ZNF83: variants seen among roughly 807,000 people sequenced by gnomAD.
ZNF83 encodes zinc finger protein 816B.
For synonymous variants in ZNF83, 209 were observed against 213.0 expected (o/e 0.98, Z 0.17); for missense variants, 552 against 629.9 (o/e 0.88, Z 1.32).
chr19:52,619,782 G>A (rs1328973549), intron 2 of ZNF83, among the ~76,000 whole-genome samples: 1 of 152,220 alleles, frequency 6.6e-6, no homozygotes, highest in East Asian at 1.9e-4. Context: ...AGCTACATGG[G>A]AGGCTGAGGC....
intron 1 of ZNF83, among the ~76,000 whole-genome samples, chr19:52,682,878 CT>C (rs1444744209): frequency 1.3e-5 from 2 of 151,134 alleles, no homozygotes; most frequent in Admixed American, 6.6e-5. Context: ...CTCTGTCTCT[CT>C]TTTTTTTTCT....
intron 2 of ZNF83, among the ~76,000 whole-genome samples, chr19:52,659,780 C>T (rs1726487849): frequency 6.6e-6 from 1 of 152,092 alleles, no homozygotes; most frequent in Non-Finnish European, 1.5e-5. Context: ...AAGTAAGAGA[C>T]CTATAACAAA....
intron 1 of ZNF83, among the ~76,000 whole-genome samples, chr19:52,662,207 A>G (rs891272231): frequency 2.0e-5 from 3 of 152,214 alleles, no homozygotes; most frequent in African/African-American, 7.2e-5. Context: ...AATGGAATTC[A>G]TTTCTCATTT....
intron 1 of ZNF83, among the ~76,000 whole-genome samples, chr19:52,685,897 CAAAAAAAAAAAAAAA>C (rs3055370): frequency 1.5e-5 from 2 of 132,442 alleles, no homozygotes; most frequent in Admixed American, 8.4e-5. Context: ...GTAACTGTCA[CAAAAAAAAAAAAAAA>C]AAAAAAAAAA....
At chr19:52,615,966 G>A (rs1427894334) in intron 2 of ZNF83, among the ~76,000 whole-genome samples, 1 of 152,178 alleles carries the variant, frequency 6.6e-6, no homozygotes, top group African/African-American at 2.4e-5. Flanking sequence ...AGCCTCCTGA[G>A]TAGCTGGGAT....
chr19:52,689,899 C>CT (rs1240378858), intron 1 of ZNF83, among the ~76,000 whole-genome samples: 3 of 152,240 alleles, frequency 2.0e-5, no homozygotes, highest in African/African-American at 7.2e-5. Context: ...GGCACCTCCC[C>CT]AACGCGGGCT....
rs554092857 is a variant in ZNF83 at position 52,668,802 on chromosome 19, C to T, written c.-282-7959G>A. ...CCAGATTGTCCCCTTTCCACGAGGGCTGTCCTCCAGTAGACCAGGTGTGGG... is the reference window on the plus strand; with the variant it reads ...CCAGATTGTCCCCTTTCCACGAGGGTTGTCCTCCAGTAGACCAGGTGTGGG... On this transcript the variant is annotated intron_variant, in intron 1 of 5. Coordinates refer to the ZNF83 transcript ENST00000594682. Among the ~76,000 whole-genome samples, 10 of 152,342 alleles carry T rather than the reference C, an allele frequency of 6.6e-5. No homozygotes were observed. In the East Asian group the frequency reaches 1.9e-3, roughly 29 times the overall value.
intron 1 of ZNF83, chr19:52,635,916 T>G (rs1389876543): frequency 1.4e-5 from 2 of 147,320 alleles, no homozygotes; most frequent in African/African-American, 5.1e-5. Flanking sequence ...CGCATGAATC[T>G]GGGAAGCTGA....
chr19:52,683,228 C>CTGTG (rs67463602), intron 1 of ZNF83, among the ~76,000 whole-genome samples: 2,770 of 127,836 alleles, frequency 0.022, 47 homozygotes, highest in East Asian at 0.067. Context: ...CCCTGTGACT[C>CTGTG]TGTGTGTGTG....
At chr19:52,615,281 G>T (rs1449472295) in intron 2 of ZNF83, among the ~76,000 whole-genome samples, 1 of 152,180 alleles carries the variant, frequency 6.6e-6, no homozygotes, top group African/African-American at 2.4e-5. Flanking sequence ...CTGACCAAAA[G>T]ATCCTATTCC....
chr19:52,634,873 C>T (rs1405381489), intron 2 of ZNF83, among the ~76,000 whole-genome samples, 193 bp downstream of exon 2: 6 of 152,132 alleles, frequency 3.9e-5, no homozygotes, highest in Non-Finnish European at 5.9e-5. Flanking sequence ...GCAGCCTCTT[C>T]CCAAGTTCAT....
rs552149172 is a variant in ZNF83, at chr19:52,657,664, A to T, written c.-200-1977T>A. ...GGAATTCGCGACCAGCCTGACCAAC[A>T]TAGAGAAACCCCGTCTCTACTAAAA... On this transcript the variant is annotated intron_variant, in intron 2 of 5. Coordinates refer to the ZNF83 transcript ENST00000594682. Among the ~76,000 whole-genome samples, 329 of 152,314 alleles carry T rather than the reference A, an allele frequency of 2.2e-3. 1 individual carries two copies. Among genetic ancestry groups the T allele is most frequent in the African/African-American group, 6.8e-3 (281 of 41,564 alleles).
intron 2 of ZNF83, among the ~76,000 whole-genome samples, chr19:52,620,842 T>C (rs1442506966): frequency 1.3e-5 from 2 of 152,178 alleles, no homozygotes; most frequent in African/African-American, 2.4e-5. Flanking sequence ...AACTGACCAA[T>C]GGATCAACCT....
intron 1 of ZNF83, among the ~76,000 whole-genome samples, chr19:52,677,124 T>TA (rs1167770624): frequency 1.5e-5 from 2 of 135,610 alleles, no homozygotes; most frequent in Non-Finnish European, 3.2e-5. Context: ...AATGATCAAT[T>TA]AAAAAAAAAA....
intron 3 of ZNF83, chr19:52,653,419 A>C: frequency 1.2e-6 from 1 of 844,838 alleles, no homozygotes; most frequent in Non-Finnish European, 2.0e-6. Context: ...TTCAGTATGA[A>C]CTCTGTTATG....
intron 1 of ZNF83, among the ~76,000 whole-genome samples, chr19:52,685,166 C>CT (rs1435283495): frequency 1.3e-5 from 2 of 152,206 alleles, no homozygotes; most frequent in Non-Finnish European, 2.9e-5. Context: ...GACACCCACT[C>CT]TATTTTGCCA....
chr19:52,655,938 C>T (rs949283135), intron 2 of ZNF83, among the ~76,000 whole-genome samples: 6 of 151,976 alleles, frequency 3.9e-5, no homozygotes, highest in African/African-American at 1.2e-4. Context: ...TGTCTGGGCA[C>T]GGTGGCTCAC....
intron 3 of ZNF83, among the ~76,000 whole-genome samples, chr19:52,644,324 G>A (rs2049994174): frequency 6.6e-6 from 1 of 152,060 alleles, no homozygotes; most frequent in African/African-American, 2.4e-5. Context: ...CACTCAGGTT[G>A]AGCTTTTCCG....
exon 3 of ZNF83, chr19:52,614,467 G>A: frequency 6.2e-7 from 1 of 1,612,648 alleles, no homozygotes; most frequent in Non-Finnish European, 8.5e-7. Context: ...TTTCCCTTCA[G>A]CTTGAAATAG....
Sources: gnomAD v4.1 joint callset for allele counts (sites outside exome capture counted in the v4.1 genomes callset) on GRCh38, gnomAD v4.1.1 for gene constraint, MANE v1.5 for transcripts, NCBI Gene and HGNC (gene_info 2026-07-23, HGNC 2026-07-21) for gene names.